WDR41: variants seen among roughly 807,000 people sequenced by gnomAD.
WDR41 encodes WD repeat-containing protein 41.
A neutral mutation model predicts 69.3 loss-of-function variants in WDR41; 63 were observed. The observed-to-expected ratio is 0.91, with a 90% CI of 0.74 to 1.12. The LOEUF is 1.12. Among genes scored for constraint, WDR41 ranks in the 50% most tolerant of loss-of-function variants. WDR41 has a pLI of 0.00. For missense variants in WDR41, 543 were observed against 534.5 expected (o/e 1.02, Z -0.16); for synonymous variants, 185 against 192.1 (o/e 0.96, Z 0.31).
At chr5:77,513,481 T>C (rs1802240375) in intron 1 of WDR41, among the ~76,000 whole-genome samples, 1 of 152,168 alleles carries the variant, frequency 6.6e-6, no homozygotes, top group Non-Finnish European at 1.5e-5. Context: ...GATCCTGCCT[T>C]TTTTTCCAAT....
intron 11 of WDR41, among the ~76,000 whole-genome samples, chr5:77,437,113 A>T (rs1161783586): frequency 3.3e-5 from 5 of 152,256 alleles, no homozygotes; most frequent in Non-Finnish European, 7.3e-5. Context: ...CCTCAAAACA[A>T]GAAAATCTCT....
chr5:77,597,747 T>C (rs536001174), intron 1 of WDR41, among the ~76,000 whole-genome samples: 1 of 152,212 alleles, frequency 6.6e-6, no homozygotes, highest in Non-Finnish European at 1.5e-5. Context: ...TGAATGAATG[T>C]ACCCCATATG....
At chr5:77,437,738 C>G (rs967925694) in intron 10 of WDR41, among the ~76,000 whole-genome samples, 3 of 152,144 alleles carry the variant, frequency 2.0e-5, no homozygotes, top group Non-Finnish European at 4.4e-5. Context: ...CTTGCTACCT[C>G]TCTTCTCTGG....
intron 1 of WDR41, among the ~76,000 whole-genome samples, chr5:77,551,965 C>A (rs534222025): frequency 2.9e-4 from 42 of 147,082 alleles, no homozygotes; most frequent in Admixed American, 2.5e-3. Flanking sequence ...GGCAACAGAG[C>A]AAGACTCTGT....
chr5:77,537,373 C>T (rs1448367515), intron 1 of WDR41, among the ~76,000 whole-genome samples: 1 of 152,206 alleles, frequency 6.6e-6, no homozygotes, highest in Non-Finnish European at 1.5e-5. Flanking sequence ...GGAATCCGAC[C>T]ATGTTTGGTC....
At chr5:77,607,846 A>T (rs1287559374) in intron 1 of WDR41, among the ~76,000 whole-genome samples, 4 of 152,218 alleles carry the variant, frequency 2.6e-5, no homozygotes, top group Non-Finnish European at 5.9e-5. Context: ...TTTTCAAATA[A>T]TTGCCTATAT....
chr5:77,459,721 T>C (rs1301292865), intron 4 of WDR41, among the ~76,000 whole-genome samples: 1 of 152,214 alleles, frequency 6.6e-6, no homozygotes, highest in Non-Finnish European at 1.5e-5. Context: ...ACACCATGTC[T>C]GAAAACACAT....
At chr5:77,503,005 A>G (rs1009653245) in intron 1 of WDR41, among the ~76,000 whole-genome samples, 1 of 152,150 alleles carries the variant, frequency 6.6e-6, no homozygotes, top group Non-Finnish European at 1.5e-5. Context: ...GATCATATTC[A>G]CACATAACAA....
At chr5:77,501,342 G>A (rs1316852264) in intron 1 of WDR41, among the ~76,000 whole-genome samples, 1 of 152,236 alleles carries the variant, frequency 6.6e-6, no homozygotes. Context: ...CACCATTGCT[G>A]AGGCTTGAGT....
Position 77,431,086 on chromosome 5 carries a change from T to G in WDR41, c.*2049A>C, listed in dbSNP as rs565667659. On this transcript the variant is annotated 3_prime_UTR_variant, in exon 13 of 13. Coordinates refer to ENST00000296679, the MANE Select transcript of WDR41 (RefSeq NM_018268.4). ...AAAGGATTTAGAATATTCTATAAAC[T>G]TAGTTCATAAAGGAGCATCAGGATT... is the stretch of plus-strand genomic sequence containing the variant. 1 of 152,312 alleles carries G rather than the reference T, an allele frequency of 6.6e-6. No homozygotes were observed. Among genetic ancestry groups the G allele is most frequent in the South Asian group, 2.1e-4 (1 of 4,824 alleles). The allele number at this position is 152,312 out of a possible 1,614,324, so 9.4% of individuals were successfully genotyped here.
chr5:77,440,630 T>C (rs368695775), intron 9 of WDR41, among the ~76,000 whole-genome samples, 183 bp downstream of exon 9: 1 of 152,184 alleles, frequency 6.6e-6, no homozygotes, highest in Non-Finnish European at 1.5e-5. Context: ...GCCTCGAGAT[T>C]AGAAGCAAAG....
In WDR41 at chr5:77,583,228, A is replaced by G. The variant is rs141148466; in HGVS notation, c.42+37251T>C. On this transcript the variant is annotated intron_variant, in intron 1 of 5. Coordinates refer to the WDR41 transcript ENST00000509971. ...GCAGAGGTTGAATTAGTAATTAAAA[A>G]AGCTACCCACAGGCCAGGCGCCGTC... The G allele has an allele frequency of 2.2e-4, 153 of 690,120 alleles. No homozygotes were observed. The East Asian group carries it at 4.0e-3, about 18-fold the overall frequency. The allele number at this position is 690,120 out of a possible 1,614,324, so 42.7% of individuals were successfully genotyped here.
At chr5:77,569,748 A>G (rs1743699315) in intron 1 of WDR41, among the ~76,000 whole-genome samples, 2 of 152,332 alleles carry the variant, frequency 1.3e-5, no homozygotes, top group East Asian at 1.9e-4. Context: ...TACAGAAGTT[A>G]CTAAGGCAAG....
At chr5:77,504,681 C>A (rs1460853522) in intron 1 of WDR41, among the ~76,000 whole-genome samples, 2 of 152,288 alleles carry the variant, frequency 1.3e-5, no homozygotes, top group Admixed American at 1.3e-4. Context: ...CCACCACAAT[C>A]AAGTCAGCTT....
At chr5:77,571,365 C>T (rs747698730) in intron 1 of WDR41, among the ~76,000 whole-genome samples, 24 of 151,090 alleles carry the variant, frequency 1.6e-4, no homozygotes, top group African/African-American at 4.9e-4. Flanking sequence ...ATATTCATGG[C>T]GGGAGGGAAA....
chr5:77,454,550 A>G (rs1329320342), intron 5 of WDR41, among the ~76,000 whole-genome samples: 1 of 152,256 alleles, frequency 6.6e-6, no homozygotes, highest in African/African-American at 2.4e-5. Flanking sequence ...CTGTATCTTT[A>G]GAATAAATAA....
At chr5:77,610,921 C>G (rs1363712921) in intron 1 of WDR41, among the ~76,000 whole-genome samples, 6 of 152,028 alleles carry the variant, frequency 3.9e-5, no homozygotes, top group Admixed American at 6.6e-5. Context: ...ATCTCACGTG[C>G]AAAGACACAC....
intron 1 of WDR41, among the ~76,000 whole-genome samples, chr5:77,594,862 G>A (rs1458055045): frequency 6.6e-6 from 1 of 152,266 alleles, no homozygotes; most frequent in African/African-American, 2.4e-5. Context: ...CTGACAAGAA[G>A]ATACACTTTA....
At chr5:77,506,067 C>T (rs1403726895) in intron 1 of WDR41, among the ~76,000 whole-genome samples, 45 of 152,208 alleles carry the variant, frequency 3.0e-4, no homozygotes, top group Non-Finnish European at 5.1e-4. Flanking sequence ...AGCTTCTGCA[C>T]GGCAAAAGAA....
Sources: allele counts gnomAD v4.1 joint callset (sites outside exome capture counted in the v4.1 genomes callset), GRCh38; gene constraint gnomAD v4.1.1; transcripts MANE v1.5; gene names NCBI Gene and HGNC (gene_info 2026-07-23, HGNC 2026-07-21).